ZMYM6: variants seen among roughly 807,000 people sequenced by gnomAD.
ZMYM6 encodes zinc finger MYM-type containing 6, also known as zinc finger MYM-type protein 6.
A neutral mutation model predicts 134.0 loss-of-function variants in ZMYM6; 90 were observed. The ratio of observed to expected loss-of-function variants is 0.67; its 90% CI spans 0.57 to 0.80. ZMYM6 has a LOEUF of 0.80. Ranked by LOEUF, ZMYM6 falls within the 30% of genes least tolerant of loss-of-function variation. The pLI, the probability that ZMYM6 is intolerant of heterozygous loss-of-function variation, is 0.00. For missense variants in ZMYM6, 1,362 were observed against 1,533.9 expected, an observed-to-expected ratio of 0.89 and a Z score of 1.87; for synonymous variants, 481 against 524.1, an observed-to-expected ratio of 0.92 and a Z score of 1.12.
chr1:34,992,502 AAAG>A (rs1446855966), intron 14 of ZMYM6, 115 bp from the exon 15 acceptor site: 5 of 1,148,046 alleles, frequency 4.4e-6, no homozygotes, highest in Non-Finnish European at 5.9e-6. Flanking sequence ...AATTCCTCTG[AAAG>A]AGTGGTTGCA....
chr1:35,028,950 G>C (rs535867083), intron 2 of ZMYM6, among the ~76,000 whole-genome samples: 168 of 152,062 alleles, frequency 1.1e-3, no homozygotes, highest in East Asian at 5.1e-3. Context: ...TAGCACTTTG[G>C]GAGGCTGAGG....
chr1:34,997,875 T>G (rs1033866204), intron 14 of ZMYM6, among the ~76,000 whole-genome samples: 1 of 152,206 alleles, frequency 6.6e-6, no homozygotes, highest in African/African-American at 2.4e-5. Flanking sequence ...TGCAAATCTA[T>G]ATTTTCTTCC....
intron 2 of ZMYM6, among the ~76,000 whole-genome samples, chr1:35,025,408 A>C (rs1557589283): frequency 7.0e-6 from 1 of 143,838 alleles, no homozygotes; most frequent in African/African-American, 2.6e-5. Context: ...TGGAGGTTGC[A>C]GTGAACCGAG....
At chr1:35,015,805 C>T (rs914835207) in intron 4 of ZMYM6, among the ~76,000 whole-genome samples, 2 of 148,982 alleles carry the variant, frequency 1.3e-5, no homozygotes, top group Non-Finnish European at 1.5e-5. Context: ...AGGCTTCCAG[C>T]CCCAACCAAG....
intron 14 of ZMYM6, among the ~76,000 whole-genome samples, chr1:34,998,057 G>A (rs1055245707): frequency 2.5e-4 from 38 of 152,190 alleles, no homozygotes; most frequent in African/African-American, 8.9e-4. Context: ...GAGGCAGGCG[G>A]ATCACAAGGT....
chr1:35,015,605 T>A (rs1276135437), intron 4 of ZMYM6, among the ~76,000 whole-genome samples: 1 of 149,738 alleles, frequency 6.7e-6, no homozygotes, highest in African/African-American at 2.5e-5. Flanking sequence ...GCGCCTGTAA[T>A]CCCAGCTACT....
chr1:35,008,090 T>C (rs980731895), intron 11 of ZMYM6, among the ~76,000 whole-genome samples: 1 of 152,158 alleles, frequency 6.6e-6, no homozygotes, highest in African/African-American at 2.4e-5. Flanking sequence ...TCTATTTTTT[T>C]AGAGGTAGAA....
intron 8 of ZMYM6, among the ~76,000 whole-genome samples, chr1:35,011,556 T>C (rs1295680919): frequency 1.3e-5 from 2 of 152,164 alleles, no homozygotes; most frequent in African/African-American, 4.8e-5. Flanking sequence ...GGAAGGGGTA[T>C]GTGAATCCCA....
chr1:35,000,502 G>C (rs1251549436), intron 14 of ZMYM6, among the ~76,000 whole-genome samples: 1 of 152,062 alleles, frequency 6.6e-6, no homozygotes, highest in Non-Finnish European at 1.5e-5. Context: ...GCCTCCCAAA[G>C]TGCTGGGATT....
intron 4 of ZMYM6, chr1:35,018,338 C>T (rs896652208): frequency 1.3e-5 from 2 of 151,888 alleles, no homozygotes; most frequent in East Asian, 3.9e-4. Context: ...AAAATCCTCT[C>T]TCCTCTTTAC....
Position 35,030,720 on chromosome 1 carries a change from T to C in ZMYM6, c.-74-7A>G, listed in dbSNP as rs988786173. 15 of 1,317,618 alleles carry C rather than the reference T, an allele frequency of 1.1e-5. No homozygotes were observed. In the Admixed American group the frequency reaches 2.7e-4, roughly 23 times the overall value. 81.6% of individuals were successfully genotyped at this position (1,317,618 alleles called of 1,614,324 possible). A position where few individuals can be genotyped will look rare whatever the true frequency, so the allele number is the denominator to read the frequency against. ...GTAATGGATAGTTGGACACCTAAAATACATACTCAGGCTTATTCTTTTTTC... is the reference window on the plus strand; with the variant it reads ...GTAATGGATAGTTGGACACCTAAAACACATACTCAGGCTTATTCTTTTTTC... On this transcript the variant is annotated splice_polypyrimidine_tract_variant and splice_region_variant and intron_variant, in intron 1 of 15. Transcript: ENST00000357182.
chr1:35,005,145 G>C lies in ZMYM6; in HGVS notation c.1941C>G (p.Asn647Lys). 1 of 1,614,062 alleles carries C rather than the reference G, an allele frequency of 6.2e-7. No individual in the cohort carries two copies. Among genetic ancestry groups the C allele is most frequent in the Non-Finnish European group, 8.5e-7 (1 of 1,179,968 alleles). The change falls in exon 13 of 16, where the codon AAC becomes AAG. Residue 647 changes from asparagine to lysine, a missense_variant. Physicochemically the swap from Asn to Lys is moderately conservative, Grantham distance 94. This residue lies in a region of ZMYM6 where 824 missense variants were observed against 940.9 expected (regional missense o/e 0.88). Transcript: ENST00000357182. The part of the protein sequence containing the change: ...IPATLSTGNT[N>K]SVLKGAVTKE... ...ATCAAGTCATACCTTTTAAAACACT[G>C]TTAGTGTTCCCTGTAGATAAGGTAG...
In ZMYM6 at chr1:34,988,369, ACT is replaced by A. The variant is rs1226383366; in HGVS notation, c.2711_2712del (p.Glu904ValfsTer10). The A allele has an allele frequency of 1.3e-6, 2 of 1,551,550 alleles. No homozygotes were observed. Among genetic ancestry groups the A allele is most frequent in the East Asian group, 2.4e-5 (1 of 40,896 alleles). On this transcript the variant is annotated frameshift_variant, in exon 16 of 16. Transcript: ENST00000357182. LOFTEE classifies it high-confidence loss of function. The part of the protein sequence containing the change: ...IEDQLIQKVR[E>X]SKWFALQIDE... ...TCTATCTGAAGGGCAAACCACTTTGACTCTCTGACCTTTTGAATCAGCTGGTC... is the reference window on the plus strand; with the variant it reads ...TCTATCTGAAGGGCAAACCACTTTGACTCTGACCTTTTGAATCAGCTGGTC...
At chr1:35,011,546 G>C (rs1378366034) in intron 8 of ZMYM6, among the ~76,000 whole-genome samples, 1 of 152,176 alleles carries the variant, frequency 6.6e-6, no homozygotes, top group Non-Finnish European at 1.5e-5. Context: ...CAGGATGAGA[G>C]GAAGGGGTAT....
intron 10 of ZMYM6, among the ~76,000 whole-genome samples, chr1:35,009,859 C>T (rs1213896812): frequency 5.3e-5 from 8 of 151,934 alleles, no homozygotes; most frequent in Non-Finnish European, 1.0e-4. Flanking sequence ...TCCCTTAAAC[C>T]GGGGAGGCAG....
chr1:35,001,270 GTT>G (rs35069895), intron 14 of ZMYM6, among the ~76,000 whole-genome samples: 4,675 of 111,082 alleles, frequency 0.042, 197 homozygotes, highest in African/African-American at 0.11. Context: ...ACTGTCAGGT[GTT>G]TTTTTTTTTT....
chr1:35,003,857 G>A, intron 14 of ZMYM6, 111 bp downstream of exon 14: 1 of 922,082 alleles, frequency 1.1e-6, no homozygotes, highest in South Asian at 1.5e-5. Context: ...TTAATGACTA[G>A]GACCCTCTTC....
intron 2 of ZMYM6, among the ~76,000 whole-genome samples, chr1:35,024,426 G>C (rs1569795524): frequency 6.6e-6 from 1 of 152,114 alleles, no homozygotes; most frequent in African/African-American, 2.4e-5. Context: ...TTTACCACTT[G>C]AATGTCCCAC....
In ZMYM6 at chr1:35,006,933, A is replaced by C. The variant is rs1214045339; in HGVS notation, c.1813+18T>G. 2.5e-6 allele frequency: 4 copies of C among 1,602,148 alleles called. No individual in the cohort carries two copies. Among genetic ancestry groups the C allele is most frequent in the Non-Finnish European group, 3.4e-6 (4 of 1,174,474 alleles). On this transcript the variant is annotated intron_variant, in intron 12 of 15. Transcript: ENST00000357182. ...CTAGCACTGACATAAAAATCCCATT[A>C]GCTAAGTTTAATTTTACCTTTATTT...
Sources: allele counts gnomAD v4.1 joint callset (sites outside exome capture counted in the v4.1 genomes callset), GRCh38; gene constraint gnomAD v4.1.1; regional missense constraint gnomAD v4.1.1; transcripts MANE v1.5; gene names NCBI Gene and HGNC (gene_info 2026-07-23, HGNC 2026-07-21).